The following BMPR1A variants were observed in gnomAD, a reference collection of about 807,000 sequenced individuals.
The protein encoded by BMPR1A is bone morphogenetic protein receptor type-1A.
Under a neutral mutation model 66.0 loss-of-function variants are expected in BMPR1A, and 7 were observed. The observed-to-expected ratio is 0.11, with a 90% CI of 0.06 to 0.20. The LOEUF (loss-of-function observed/expected upper bound fraction) is 0.20, where lower values mean the gene tolerates loss of function less well. Among genes scored for constraint, BMPR1A ranks in the 10% least tolerant of loss-of-function variants. BMPR1A has a pLI of 1.00. For synonymous variants in BMPR1A, 200 were observed against 229.7 expected (o/e 0.87, Z 1.17); for missense variants, 408 against 669.1 (o/e 0.61, Z 4.31).
intron 2 of BMPR1A, among the ~76,000 whole-genome samples, chr10:86,844,486 TATG>T (rs1842460443): frequency 6.6e-6 from 1 of 152,178 alleles, no homozygotes; most frequent in Non-Finnish European, 1.5e-5. Flanking sequence ...TAGGCATTAT[TATG>T]GTACTGTCCA....
intron 1 of BMPR1A, among the ~76,000 whole-genome samples, chr10:86,809,412 C>T (rs1589726543): frequency 1.3e-5 from 2 of 151,992 alleles, no homozygotes; most frequent in East Asian, 3.9e-4. Flanking sequence ...ACCTCAGCTT[C>T]TCAAGTAGCC....
chr10:86,851,647 A>G (rs1842569599), intron 2 of BMPR1A, among the ~76,000 whole-genome samples: 1 of 152,208 alleles, frequency 6.6e-6, no homozygotes, highest in Non-Finnish European at 1.5e-5. Flanking sequence ...GAACTCGCAG[A>G]TCAAGTCCTG....
chr10:86,869,834 AAGG>A (rs58651044), intron 2 of BMPR1A, among the ~76,000 whole-genome samples: 94 of 152,322 alleles, frequency 6.2e-4, no homozygotes, highest in African/African-American at 2.2e-3. Context: ...ATATGAGACA[AAGG>A]AGAAGTGCTC....
At chr10:86,797,501 G>A (rs925020005) in intron 1 of BMPR1A, among the ~76,000 whole-genome samples, 2 of 151,998 alleles carry the variant, frequency 1.3e-5, no homozygotes, top group African/African-American at 4.8e-5. Context: ...TGAGTGTTGG[G>A]ATTACAGGCA....
intron 1 of BMPR1A, among the ~76,000 whole-genome samples, chr10:86,777,841 C>T (rs913154803): frequency 2.0e-5 from 3 of 151,748 alleles, no homozygotes; most frequent in Non-Finnish European, 2.9e-5. Context: ...TGGAGAAACC[C>T]CGTCTCTACT....
chr10:86,795,359 C>T (rs1841692691), intron 1 of BMPR1A, among the ~76,000 whole-genome samples: 1 of 151,804 alleles, frequency 6.6e-6, no homozygotes, highest in Non-Finnish European at 1.5e-5. Flanking sequence ...TCTAAGTACT[C>T]AGTGTTTGAC....
intron 1 of BMPR1A, among the ~76,000 whole-genome samples, chr10:86,762,669 A>C (rs993704041): frequency 2.0e-5 from 3 of 151,444 alleles, no homozygotes; most frequent in African/African-American, 7.3e-5. Flanking sequence ...AGTCTTGAGA[A>C]ATTTCAACTT....
chr10:86,847,598 C>T (rs1487183175), intron 2 of BMPR1A, among the ~76,000 whole-genome samples: 1 of 151,738 alleles, frequency 6.6e-6, no homozygotes, highest in Non-Finnish European at 1.5e-5. Context: ...GCCTGTAATG[C>T]CAACACTCTG....
intron 2 of BMPR1A, among the ~76,000 whole-genome samples, chr10:86,860,991 G>A (rs1232275769): frequency 6.6e-6 from 1 of 151,424 alleles, no homozygotes; most frequent in Non-Finnish European, 1.5e-5. Flanking sequence ...ACAGGCGCCC[G>A]CCACCACGCC....
intron 1 of BMPR1A, among the ~76,000 whole-genome samples, chr10:86,808,241 A>T (rs1156234097): frequency 6.6e-6 from 1 of 152,142 alleles, no homozygotes; most frequent in African/African-American, 2.4e-5. Context: ...GTACATTTAG[A>T]AGGGATCTGT....
intron 1 of BMPR1A, among the ~76,000 whole-genome samples, chr10:86,774,650 A>G (rs541746232): frequency 2.6e-5 from 4 of 152,338 alleles, no homozygotes; most frequent in Admixed American, 2.6e-4. Context: ...AAAGAGAACA[A>G]TTTCTATTCT....
chr10:86,909,590 AAAAAAAAAG>A (rs200491820), intron 7 of BMPR1A, among the ~76,000 whole-genome samples: 6,100 of 151,366 alleles, frequency 0.04, 276 homozygotes, highest in African/African-American at 0.11. Context: ...CTATCTCAAA[AAAAAAAAAG>A]AAAAAAAAGA....
intron 2 of BMPR1A, among the ~76,000 whole-genome samples, chr10:86,839,957 C>T (rs1206404974): frequency 6.6e-6 from 1 of 152,082 alleles, no homozygotes; most frequent in African/African-American, 2.4e-5. Flanking sequence ...CTACCAGACC[C>T]AGCCCAGGAT....
intron 7 of BMPR1A, among the ~76,000 whole-genome samples, chr10:86,903,991 C>T (rs556804306): frequency 6.6e-6 from 1 of 152,316 alleles, no homozygotes; most frequent in Admixed American, 6.5e-5. Flanking sequence ...GCATACTCCA[C>T]CTGCTGGGTT....
intron 2 of BMPR1A, among the ~76,000 whole-genome samples, chr10:86,852,833 AT>A (rs1176055711): frequency 1.3e-5 from 2 of 152,234 alleles, no homozygotes; most frequent in Non-Finnish European, 2.9e-5. Context: ...GGGTATTGTT[AT>A]TATGTGCACT....
At chr10:86,906,751 A>AAAAAAAAAAAAAAC (rs1843397932) in intron 7 of BMPR1A, among the ~76,000 whole-genome samples, 1 of 140,154 alleles carries the variant, frequency 7.1e-6, no homozygotes. Flanking sequence ...AAAAAAAAAA[A>AAAAAAAAAAAAAAC]AAAAAAAAAA....
intron 1 of BMPR1A, among the ~76,000 whole-genome samples, chr10:86,800,012 A>C (rs1564689016): frequency 6.6e-6 from 1 of 152,164 alleles, no homozygotes; most frequent in African/African-American, 2.4e-5. Flanking sequence ...AAGAAAAAGA[A>C]TAGTAGATGA....
At chr10:86,782,786 T>C (rs1841457378) in intron 1 of BMPR1A, among the ~76,000 whole-genome samples, 1 of 152,174 alleles carries the variant, frequency 6.6e-6, no homozygotes, top group East Asian at 1.9e-4. Context: ...GCAAATATTT[T>C]CTCTCATTCT....
chr10:86,818,770 A>G (rs1003115442), intron 1 of BMPR1A, among the ~76,000 whole-genome samples: 1 of 152,234 alleles, frequency 6.6e-6, no homozygotes, highest in Non-Finnish European at 1.5e-5. Flanking sequence ...GTGATCTGAC[A>G]TACCTGGATT....
Sources: allele counts gnomAD v4.1 joint callset (sites outside exome capture counted in the v4.1 genomes callset), GRCh38; gene constraint gnomAD v4.1.1; transcripts MANE v1.5; gene names NCBI Gene and HGNC (gene_info 2026-07-23, HGNC 2026-07-21).